The following KLHL4 variants were observed in gnomAD, a reference collection of about 807,000 sequenced individuals.
KLHL4 encodes kelch-like protein 4.
KLHL4 carries 17 observed loss-of-function variants against 45.8 expected under a neutral mutation model. That is an observed-to-expected ratio of 0.37 (90% CI 0.25 to 0.56). The LOEUF is 0.56. Ranked by LOEUF, KLHL4 falls within the 20% of genes least tolerant of loss-of-function variation. KLHL4 has a pLI of 0.79. For synonymous variants in KLHL4, 224 were observed against 189.9 expected (o/e 1.18, Z -1.47); for missense variants, 544 against 544.9 (o/e 1.00, Z 0.02).
Position 87,517,855 on chromosome X carries a change from T to C in KLHL4, c.-39T>C. 1 of 1,159,339 alleles carries C rather than the reference T, an allele frequency of 8.6e-7. No homozygotes were observed. The highest frequency in any genetic ancestry group is 3.0e-5 in the East Asian group (1 of 33,443). On this transcript the variant is annotated 5_prime_UTR_variant, in exon 1 of 11. Coordinates refer to ENST00000373119, the MANE Select transcript of KLHL4 (RefSeq NM_019117.5). ...AAGAGATAACAAAGGCTCCGTTTCC[T>C]TTCTGTGAGAGAAGGCTTTTGTCTT... is the stretch of plus-strand genomic sequence containing the variant.
At position 87,579,618 on chromosome X, in the gene KLHL4, C is replaced by T. The variant is rs764498723; in HGVS notation, c.423-34259C>T. 9.9e-5 allele frequency among the ~76,000 whole-genome samples: 11 copies of T among 111,128 alleles called. 1 individual carries two copies. Among genetic ancestry groups the T allele is most frequent in the Admixed American group, 4.8e-4 (5 of 10,439 alleles). ...GACAACTTGTCATATACAAAGAAAC[C>T]ATCAATAGCCAATCAGCAGATTTCC... On this transcript the variant is annotated intron_variant, in intron 1 of 10. Coordinates refer to ENST00000373119, the MANE Select transcript of KLHL4 (RefSeq NM_019117.5).
At chrX:87,530,473 A>C (rs1258968077) in intron 1 of KLHL4, among the ~76,000 whole-genome samples, 2 of 81,513 alleles carry the variant, frequency 2.5e-5, no homozygotes, top group South Asian at 8.0e-4. Context: ...TCCTGTGTCC[A>C]TGTGATCTCA....
chrX:87,656,674 T>G, intron 9 of KLHL4, among the ~76,000 whole-genome samples: 1 of 110,766 alleles, frequency 9.0e-6, no homozygotes, highest in South Asian at 3.8e-4. Flanking sequence ...TATTTTGAAT[T>G]ATTTATCTGA....
At chrX:87,593,489 A>T (rs1301843889) in intron 1 of KLHL4, among the ~76,000 whole-genome samples, 2 of 111,545 alleles carry the variant, frequency 1.8e-5, no homozygotes, top group Non-Finnish European at 3.8e-5. Flanking sequence ...TATTTTTAAA[A>T]TTGTAGTTAT....
At position 87,557,291 on chromosome X, in the gene KLHL4, G is replaced by GT. The variant is rs1428076703; in HGVS notation, c.422+38977dup. On this transcript the variant is annotated intron_variant, in intron 1 of 10. Transcript: ENST00000373119. ...GAATAGAAATTGTTTTGCTGCTATG[G>GT]TAAATACAAGACAGTTTTCTTCTTG... Among the ~76,000 whole-genome samples the GT allele has an allele frequency of 2.7e-5, 3 of 111,701 alleles. No homozygotes were observed. The Admixed American group carries it at 2.9e-4, about 11-fold the overall frequency.
At chrX:87,640,656 C>A (rs1210842722) in intron 9 of KLHL4, among the ~76,000 whole-genome samples, 1 of 111,501 alleles carries the variant, frequency 9.0e-6, no homozygotes, top group Non-Finnish European at 1.9e-5. Flanking sequence ...ATCATTAAAA[C>A]CCTCAGCAAA....
At chrX:87,635,855 A>G (rs1321640210) in intron 9 of KLHL4, 80 bp downstream of exon 9, 1 of 745,699 alleles carries the variant, frequency 1.3e-6, no homozygotes, top group East Asian at 3.5e-5. Context: ...TTTTTCTTTT[A>G]AATGGAAATC....
chrX:87,639,662 CAAT>C (rs779671093), intron 9 of KLHL4, among the ~76,000 whole-genome samples: 1 of 110,192 alleles, frequency 9.1e-6, no homozygotes, highest in African/African-American at 3.3e-5. Flanking sequence ...TTGAACTGAA[CAAT>C]AATAATAATA....
At chrX:87,579,789 A>G (rs952352372) in intron 1 of KLHL4, among the ~76,000 whole-genome samples, 5 of 112,183 alleles carry the variant, frequency 4.5e-5, no homozygotes, top group Non-Finnish European at 9.4e-5. Context: ...ACAACAACTG[A>G]AAGAGTTCAT....
At chrX:87,563,000 T>A (rs1226761979) in intron 1 of KLHL4, among the ~76,000 whole-genome samples, 1 of 111,080 alleles carries the variant, frequency 9.0e-6, no homozygotes, top group African/African-American at 3.3e-5. Context: ...TCTCCCTGAT[T>A]TTAACCAAGA....
At chrX:87,628,062 G>A (rs982209702) in intron 6 of KLHL4, among the ~76,000 whole-genome samples, 3 of 111,450 alleles carry the variant, frequency 2.7e-5, no homozygotes, top group Non-Finnish European at 5.7e-5. Flanking sequence ...CCTGGTATAC[G>A]GAGACACTAT....
Position 87,604,941 on chromosome X carries a change from TG to T in KLHL4, c.423-8935del, listed in dbSNP as rs370611308. Among the ~76,000 whole-genome samples the T allele has an allele frequency of 2.1e-3, 234 of 111,292 alleles. 1 individual carries two copies. The highest frequency in any genetic ancestry group is 6.9e-3 in the African/African-American group (212 of 30,705). ...TTTTAATCTATTTTGAGTTGATTTT[TG>T]TATATGGTGAGAGGCAGGATTCTAG... is the stretch of plus-strand genomic sequence containing the variant. On this transcript the variant is annotated intron_variant, in intron 1 of 10. Transcript: ENST00000373119.
intron 1 of KLHL4, among the ~76,000 whole-genome samples, chrX:87,581,009 A>C (rs1921258354): frequency 8.9e-6 from 1 of 111,843 alleles, no homozygotes; most frequent in Non-Finnish European, 1.9e-5. Flanking sequence ...TGTTTGGACA[A>C]CTCATCCATT....
At chrX:87,627,373 A>G (rs1250655001) in intron 6 of KLHL4, among the ~76,000 whole-genome samples, 1 of 111,558 alleles carries the variant, frequency 9.0e-6, no homozygotes, top group Non-Finnish European at 1.9e-5. Context: ...AAAAAGTTTA[A>G]AAACTTGGTT....
intron 1 of KLHL4, among the ~76,000 whole-genome samples, chrX:87,568,391 C>CTTTTTTTTTTTTTTTTTTTTT (rs58586775): frequency 5.2e-5 from 3 of 57,505 alleles, no homozygotes; most frequent in African/African-American, 2.2e-4. Context: ...TTCTTTTTTT[C>CTTTTTTTTTTTTTTTTTTTTT]TTTTTTTTTT....
chrX:87,619,844 A>G (rs1922689670), intron 4 of KLHL4, among the ~76,000 whole-genome samples: 1 of 112,155 alleles, frequency 8.9e-6, no homozygotes, highest in South Asian at 3.7e-4. Flanking sequence ...AGTAAAATAT[A>G]TAAAGGTCTT....
At chrX:87,578,213 T>G (rs1921156947) in intron 1 of KLHL4, among the ~76,000 whole-genome samples, 1 of 111,494 alleles carries the variant, frequency 9.0e-6, no homozygotes, top group African/African-American at 3.3e-5. Context: ...TTAATTGAAT[T>G]TGGATTGTAT....
intron 1 of KLHL4, among the ~76,000 whole-genome samples, chrX:87,531,531 G>A (rs1413648656): frequency 9.2e-6 from 1 of 108,480 alleles, no homozygotes; most frequent in African/African-American, 3.4e-5. Flanking sequence ...AGGAAAAGAG[G>A]AAGTCAAATT....
chrX:87,563,308 A>G (rs6614693), intron 1 of KLHL4, among the ~76,000 whole-genome samples: 48,755 of 108,311 alleles, frequency 0.45, 8,112 homozygotes, highest in East Asian at 0.77. Context: ...TAAGACAACA[A>G]TGATCAATCC....
Sources: gnomAD v4.1 joint callset for allele counts (sites outside exome capture counted in the v4.1 genomes callset) on GRCh38, gnomAD v4.1.1 for gene constraint, MANE v1.5 for transcripts, NCBI Gene and HGNC (gene_info 2026-07-23, HGNC 2026-07-21) for gene names.